The following FMNL3 variants were observed in gnomAD, a reference collection of about 807,000 sequenced individuals.
FMNL3 encodes the protein formin-like protein 3.
In FMNL3, 57 loss-of-function variants were observed where a neutral mutation model predicts 119.6. That is an observed-to-expected ratio of 0.48 (90% CI 0.39 to 0.59). FMNL3 has a LOEUF of 0.59. Among genes scored for constraint, FMNL3 ranks in the 20% least tolerant of loss-of-function variants. FMNL3 has a pLI of 0.00. For synonymous variants in FMNL3, 491 were observed against 507.3 expected, an observed-to-expected ratio of 0.97 and a Z score of 0.43; for missense variants, 1,053 against 1,323.5, an observed-to-expected ratio of 0.80 and a Z score of 3.17.
At position 49,643,507 on chromosome 12, in the gene FMNL3, A is replaced by C; in HGVS notation, c.*2308T>G. 1.4e-6 allele frequency: 2 copies of C among 1,438,876 alleles called. No individual in the cohort carries two copies. Among genetic ancestry groups the C allele is most frequent in the South Asian group, 1.4e-5 (1 of 71,148 alleles). 89.1% of individuals were successfully genotyped at this position (1,438,876 alleles called of 1,614,324 possible). ...GGGTAGACTGGATTGGGAGGGCTGCACCTGTGGAAGTAGAAAGAACTTCCT... is the reference window on the plus strand; with the variant it reads ...GGGTAGACTGGATTGGGAGGGCTGCCCCTGTGGAAGTAGAAAGAACTTCCT... On this transcript the variant is annotated 3_prime_UTR_variant, in exon 26 of 26. Transcript: ENST00000335154.
chr12:49,691,516 T>A (rs1358313894), intron 1 of FMNL3, among the ~76,000 whole-genome samples: 1 of 152,238 alleles, frequency 6.6e-6, no homozygotes, highest in Non-Finnish European at 1.5e-5. Flanking sequence ...CCTGCCTGTA[T>A]CTGGGGGACC....
intron 1 of FMNL3, among the ~76,000 whole-genome samples, chr12:49,699,943 CT>C (rs1565900328): frequency 6.6e-6 from 1 of 152,166 alleles, no homozygotes; most frequent in Non-Finnish European, 1.5e-5. Context: ...ACTGATAAAA[CT>C]TTTTCAGAAG....
Position 49,654,965 on chromosome 12 carries a change from C to G in FMNL3, c.905G>C (p.Arg302Pro). 1 of 1,614,020 alleles carries G rather than the reference C, an allele frequency of 6.2e-7. No individual in the cohort carries two copies. The highest frequency in any genetic ancestry group is 1.3e-5 in the African/African-American group (1 of 75,028). ...GAAATACTCCATCAGCTTCTCAAAG[C>G]GGTGCAGCTCCTTGCATACCTGAAT... ...NFKEVCKELH[R>P]FEKLMEYFRN... is the part of the protein sequence containing the mutation. The change falls in exon 10 of 26, where the codon CGC becomes CCC. Residue 302 changes from arginine to proline, a missense_variant. Physicochemically the swap from Arg to Pro is moderately radical, Grantham distance 103. This residue lies in a region of FMNL3 where 445 missense variants were observed against 628.4 expected (regional missense o/e 0.71). Coordinates refer to ENST00000335154, the MANE Select transcript of FMNL3 (RefSeq NM_175736.5).
chr12:49,647,456 G>A lies in FMNL3; in HGVS notation c.2779-88C>T. On this transcript the variant is annotated intron_variant, in intron 23 of 25. Coordinates refer to ENST00000335154, the MANE Select transcript of FMNL3 (RefSeq NM_175736.5). This position sits in a 1 kb window ranked among gnomAD's most constrained non-coding sequence, Gnocchi z 4.9. ...ACACTGAGGTGGAGAGTGGGTGGCA[G>A]TGGGACCCGCTAACTCCAGGTGGCC... The A allele has an allele frequency of 7.0e-7, 1 of 1,420,322 alleles. No homozygotes were observed. The highest frequency in any genetic ancestry group is 9.8e-7 in the Non-Finnish European group (1 of 1,015,776). 88.0% of individuals were successfully genotyped at this position (1,420,322 alleles called of 1,614,324 possible).
At position 49,647,143 on chromosome 12, in the gene FMNL3, C is replaced by A; in HGVS notation, c.2871+133G>T. 1.9e-6 allele frequency: 3 copies of A among 1,553,374 alleles called. No individual in the cohort carries two copies. Among genetic ancestry groups the A allele is most frequent in the Non-Finnish European group, 2.6e-6 (3 of 1,136,788 alleles). ...ATCCCCAAAGGCCCTCCCTCCATCC[C>A]TCTGGATGCCAGCCCACTGGCCCTC... On this transcript the variant is annotated intron_variant, in intron 24 of 25. Transcript: ENST00000335154. This position sits in a 1 kb window ranked among gnomAD's most constrained non-coding sequence, Gnocchi z 4.9.
At chr12:49,676,913 A>G (rs1260816672) in intron 1 of FMNL3, among the ~76,000 whole-genome samples, 1 of 152,194 alleles carries the variant, frequency 6.6e-6, no homozygotes, top group East Asian at 1.9e-4. Flanking sequence ...AACCAGACTC[A>G]TCTTCTTATA....
At position 49,707,222 on chromosome 12, in the gene FMNL3, C is replaced by A; in HGVS notation, c.-42G>T. ...CAGGGGCCTCGGCCCCCCACCTCCA[C>A]GCTCCGGAGCTTTCGGCTCCGCGGC... On this transcript the variant is annotated 5_prime_UTR_variant, in exon 1 of 26. Transcript: ENST00000335154. The A allele has an allele frequency of 6.9e-7, 1 of 1,444,398 alleles. No homozygotes were observed. The highest frequency in any genetic ancestry group is 1.4e-5 in the South Asian group (1 of 69,106). 89.5% of individuals were successfully genotyped at this position (1,444,398 alleles called of 1,614,324 possible). A position where few individuals can be genotyped will look rare whatever the true frequency, so the allele number is the denominator to read the frequency against.
chr12:49,674,905 C>A (rs1413504146), intron 1 of FMNL3, among the ~76,000 whole-genome samples: 1 of 152,178 alleles, frequency 6.6e-6, no homozygotes. Flanking sequence ...GCAGTTCACA[C>A]CAGGGAAGTC....
rs1338039505 is a variant in FMNL3, at chr12:49,643,926, A to C, written c.*1889T>G. On this transcript the variant is annotated 3_prime_UTR_variant, in exon 26 of 26. Coordinates refer to ENST00000335154, the MANE Select transcript of FMNL3 (RefSeq NM_175736.5). ...GCAAGGAGAGCGATGAGAAAGAACA[A>C]GAACAGGACAAGGACAGGGAGCTCC... The C allele has an allele frequency of 1.2e-6, 2 of 1,614,238 alleles. No homozygotes were observed. The highest frequency in any genetic ancestry group is 1.7e-5 in the Admixed American group (1 of 60,032).
intron 25 of FMNL3, chr12:49,646,549 C>T: frequency 6.7e-6 from 7 of 1,041,462 alleles, no homozygotes; most frequent in Non-Finnish European, 9.5e-6. Flanking sequence ...AGGGTGATTG[C>T]AAGTCATGCA....
At chr12:49,661,909 A>T in intron 5 of FMNL3, 57 bp downstream of exon 5, 1 of 1,479,444 alleles carries the variant, frequency 6.8e-7, no homozygotes, top group Non-Finnish European at 9.5e-7. Context: ...TCAAAGTAGA[A>T]TGGAACTATG....
In FMNL3 at chr12:49,652,110, G is replaced by A. The variant is rs758167120; in HGVS notation, c.1426C>T (p.Arg476Trp). The A allele has an allele frequency of 5.6e-6, 9 of 1,612,848 alleles. No individual in the cohort carries two copies. Among genetic ancestry groups the A allele is most frequent in the Middle Eastern group, 1.6e-4 (1 of 6,078 alleles). Residue 476 changes from arginine to tryptophan, a missense_variant, in exon 14 of 26, where the codon CGG becomes TGG. By Grantham distance (101) the Arg-to-Trp change is moderately radical. This residue lies in a region of FMNL3 where 445 missense variants were observed against 628.4 expected (regional missense o/e 0.71). Transcript: ENST00000335154. ...QRRCHLEPNV[R>W]GLESVDSEAL... Reference sequence around the variant, plus strand: ...TCACTGTCCACAGACTCCAGGCCCCGGACATTTGGCTCCAAATGACATCGA... The same window carrying A: ...TCACTGTCCACAGACTCCAGGCCCCAGACATTTGGCTCCAAATGACATCGA...
intron 4 of FMNL3, among the ~76,000 whole-genome samples, chr12:49,664,121 G>A (rs535461201): frequency 1.3e-5 from 2 of 152,332 alleles, no homozygotes; most frequent in South Asian, 2.1e-4. Context: ...GGTGGTACAC[G>A]CCTGTAGTCC....
chr12:49,657,121 G>T lies in FMNL3; in HGVS notation c.675C>A (p.His225Gln). The T allele has an allele frequency of 1.2e-6, 2 of 1,614,142 alleles. No homozygotes were observed. Among genetic ancestry groups the T allele is most frequent in the Non-Finnish European group, 1.7e-6 (2 of 1,180,026 alleles). ...SRLVSQKDDV[H>Q]VCILCLRAIM... ...TGGCTCTGAGACAAAGGATACAGAC[G>T]TGGACGTCATCCTTCTGGCTCACTA... is the stretch of plus-strand genomic sequence containing the variant. The change falls in exon 7 of 26, where the codon CAC (histidine) becomes CAA (glutamine). Residue 225 changes from histidine to glutamine, a missense_variant. By Grantham distance (24) the His-to-Gln change is conservative (BLOSUM62 0). Around this residue, in one of 4 missense-constraint regions of FMNL3, gnomAD observed 445 missense variants for 628.4 expected, o/e 0.71. Transcript: ENST00000335154.
chr12:49,681,464 C>T (rs1177088158), intron 1 of FMNL3, among the ~76,000 whole-genome samples: 2 of 152,200 alleles, frequency 1.3e-5, no homozygotes, highest in Non-Finnish European at 2.9e-5. Context: ...GCTGGGATTA[C>T]AAGCGTGAGC....
intron 1 of FMNL3, among the ~76,000 whole-genome samples, chr12:49,675,281 A>G (rs1400914736): frequency 6.6e-6 from 1 of 152,220 alleles, no homozygotes; most frequent in Non-Finnish European, 1.5e-5. Flanking sequence ...TGCCACAGCA[A>G]CTTGATCTGT....
In FMNL3 at chr12:49,647,357, T is replaced by C. The variant is rs773794863; in HGVS notation, c.2790A>G (p.Gln930=). ...CCTGCTTCTTGCGGGCTTCATTCTC[T>C]TGTTCTGCTTCCTAAGAGCCATGGA... ...RFIRSYKEAE[Q]ENEARKKQEE... Residue 930 remains glutamine (Q), a synonymous_variant, in exon 24 of 26, where the codon CAA becomes CAG. Transcript: ENST00000335154. This position sits in a 1 kb window ranked among gnomAD's most constrained non-coding sequence, Gnocchi z 4.9. 3.1e-6 allele frequency: 5 copies of C among 1,612,706 alleles called. No homozygotes were observed. The South Asian group carries it at 5.5e-5, about 18-fold the overall frequency.
intron 5 of FMNL3, among the ~76,000 whole-genome samples, chr12:49,660,527 C>T (rs1214214456): frequency 6.6e-6 from 1 of 152,194 alleles, no homozygotes; most frequent in African/African-American, 2.4e-5. Context: ...CAGTGGGCCA[C>T]TCTTGGTTTT....
chr12:49,647,639 A>G lies in FMNL3; in HGVS notation c.2778+64T>C. 3.5e-6 allele frequency: 5 copies of G among 1,443,612 alleles called. No homozygotes were observed. Among genetic ancestry groups the G allele is most frequent in the East Asian group, 2.3e-5 (1 of 44,084 alleles). The allele number at this position is 1,443,612 out of a possible 1,614,324, so 89.4% of individuals were successfully genotyped here. A position where few individuals can be genotyped will look rare whatever the true frequency, so the allele number is the denominator to read the frequency against. ...CGGAAAAGGCCCATACTTTAAGCCCAGGCTTCTCTCCCCCAGCCAGTTTTC... is the reference window on the plus strand; with the variant it reads ...CGGAAAAGGCCCATACTTTAAGCCCGGGCTTCTCTCCCCCAGCCAGTTTTC... On this transcript the variant is annotated intron_variant, in intron 23 of 25. Coordinates refer to ENST00000335154, the MANE Select transcript of FMNL3 (RefSeq NM_175736.5). The surrounding 1 kb of genome is among the most constrained non-coding windows in gnomAD (Gnocchi z 4.9).
Sources: gnomAD v4.1 joint callset for allele counts (sites outside exome capture counted in the v4.1 genomes callset) on GRCh38, gnomAD v4.1.1 for gene constraint, gnomAD v4.1.1 regional missense constraint, Gnocchi (gnomAD v3.1) non-coding constraint, MANE v1.5 for transcripts, NCBI Gene and HGNC (gene_info 2026-07-23, HGNC 2026-07-21) for gene names.